RNLS: variants seen among roughly 807,000 people sequenced by gnomAD.
RNLS encodes the protein renalase, FAD dependent amine oxidase, also known as renalase.
In RNLS, 39 loss-of-function variants were observed where a neutral mutation model predicts 39.8. The ratio of observed to expected loss-of-function variants is 0.98; its 90% CI spans 0.76 to 1.28. RNLS has a LOEUF of 1.28. Among genes scored for constraint, RNLS ranks in the 50% most tolerant of loss-of-function variants. The pLI, the probability that RNLS is intolerant of heterozygous loss-of-function variation, is 0.00. For missense variants in RNLS, 410 were observed against 413.3 expected, an observed-to-expected ratio of 0.99 and a Z score of 0.07; for synonymous variants, 147 against 150.7, an observed-to-expected ratio of 0.98 and a Z score of 0.18.
At chr10:88,203,364 G>A in the RNLS span, among the ~76,000 whole-genome samples, 515 of 13,382 alleles carry the variant, frequency 0.038, 90 homozygotes, top group African/African-American at 0.11. Flanking sequence ...ATACGTATGT[G>A]TGTGTATATA....
At chr10:88,551,975 T>A (rs1848625286) in intron 4 of RNLS, among the ~76,000 whole-genome samples, 1 of 152,216 alleles carries the variant, frequency 6.6e-6, no homozygotes, top group Non-Finnish European at 1.5e-5. Flanking sequence ...CTAAAGTTTG[T>A]TTCTTAGCAA....
At chr10:88,272,483 C>G (rs554207646), downstream of RNLS, among the ~76,000 whole-genome samples, 20 of 152,220 alleles carry the variant, frequency 1.3e-4, no homozygotes, top group South Asian at 3.9e-3. Flanking sequence ...ATTCTTGGGT[C>G]CCTCTCCAGG....
the RNLS span, among the ~76,000 whole-genome samples, chr10:88,232,542 A>G: frequency 1.3e-5 from 2 of 152,132 alleles, no homozygotes; most frequent in Non-Finnish European, 2.9e-5. Flanking sequence ...TAGCCTCCCA[A>G]GTAGCTAGGA....
At chr10:88,252,159 G>C in the RNLS span, among the ~76,000 whole-genome samples, 193 of 152,206 alleles carry the variant, frequency 1.3e-3, no homozygotes, top group Non-Finnish European at 2.4e-3. Context: ...CTCCACCCCA[G>C]GACGCTTTTC....
At chr10:88,376,730 T>C (rs986732026) in intron 4 of RNLS, among the ~76,000 whole-genome samples, 1 of 152,156 alleles carries the variant, frequency 6.6e-6, no homozygotes, top group Non-Finnish European at 1.5e-5. Context: ...GTGAAATATA[T>C]GCAAATCTTC....
intron 4 of RNLS, among the ~76,000 whole-genome samples, chr10:88,365,873 T>C (rs918759476): frequency 2.0e-5 from 3 of 152,104 alleles, no homozygotes; most frequent in African/African-American, 7.2e-5. Flanking sequence ...ATTTTCTTTG[T>C]TTCCTCACAT....
intron 4 of RNLS, among the ~76,000 whole-genome samples, chr10:88,389,770 T>C (rs1196415655): frequency 6.6e-6 from 1 of 152,192 alleles, no homozygotes; most frequent in Non-Finnish European, 1.5e-5. Context: ...ACTCTTGCTA[T>C]TGGGGGACTA....
chr10:88,474,784 A>G (rs938254381), intron 4 of RNLS, among the ~76,000 whole-genome samples: 1 of 152,188 alleles, frequency 6.6e-6, no homozygotes, highest in Non-Finnish European at 1.5e-5. Context: ...TGAGGATTCA[A>G]TGAAGTAACA....
chr10:88,441,254 T>C (rs1028359184), intron 4 of RNLS, among the ~76,000 whole-genome samples: 4 of 152,202 alleles, frequency 2.6e-5, no homozygotes, highest in African/African-American at 9.6e-5. Context: ...TTCACTTGAC[T>C]GTGCCTTCCT....
At chr10:88,523,268 A>G (rs190618888) in intron 4 of RNLS, among the ~76,000 whole-genome samples, 12 of 152,224 alleles carry the variant, frequency 7.9e-5, no homozygotes, top group African/African-American at 2.9e-4. Context: ...GGTTAGCTAT[A>G]AGTCTGCTTT....
the RNLS span, among the ~76,000 whole-genome samples, chr10:88,246,862 G>T: frequency 2.0e-5 from 3 of 152,282 alleles, no homozygotes; most frequent in South Asian, 6.2e-4. Context: ...AGCCATGAAG[G>T]TTAGCATACA....
At chr10:88,232,200 G>A in the RNLS span, among the ~76,000 whole-genome samples, 1 of 152,112 alleles carries the variant, frequency 6.6e-6, no homozygotes, top group Non-Finnish European at 1.5e-5. Flanking sequence ...TCACCTCTTG[G>A]CAGGGGCAGG....
intron 4 of RNLS, among the ~76,000 whole-genome samples, chr10:88,555,628 T>C (rs952524133): frequency 2.0e-5 from 3 of 152,038 alleles, no homozygotes; most frequent in African/African-American, 7.2e-5. Flanking sequence ...TTAGCCAAAA[T>C]ATATCTCTTC....
At chr10:88,379,012 A>G (rs532866652) in intron 4 of RNLS, among the ~76,000 whole-genome samples, 2 of 152,310 alleles carry the variant, frequency 1.3e-5, no homozygotes, top group South Asian at 2.1e-4. Context: ...TATGTGCTAT[A>G]CTTTTATATG....
At chr10:88,222,314 T>C in the RNLS span, among the ~76,000 whole-genome samples, 2 of 152,166 alleles carry the variant, frequency 1.3e-5, no homozygotes, top group African/African-American at 4.8e-5. Flanking sequence ...AGCACTAGGC[T>C]GGGACATGTC....
the RNLS span, among the ~76,000 whole-genome samples, chr10:88,252,717 G>A: frequency 6.6e-6 from 1 of 152,224 alleles, no homozygotes; most frequent in African/African-American, 2.4e-5. Context: ...CTGGACTGGA[G>A]GTACCTTGAG....
chr10:88,277,051 C>A (rs141004589), intron 6 of RNLS, among the ~76,000 whole-genome samples: 1,656 of 152,208 alleles, frequency 0.011, 39 homozygotes, highest in African/African-American at 0.038. Flanking sequence ...GCACTATTCA[C>A]AATAGCAAAG....
At chr10:88,533,521 A>G (rs920607004) in intron 4 of RNLS, among the ~76,000 whole-genome samples, 2 of 152,186 alleles carry the variant, frequency 1.3e-5, no homozygotes, top group African/African-American at 4.8e-5. Context: ...ATTTTAGTCC[A>G]TAAGCACTGG....
the RNLS span, among the ~76,000 whole-genome samples, chr10:88,204,606 A>C: frequency 6.6e-6 from 1 of 152,168 alleles, no homozygotes; most frequent in Non-Finnish European, 1.5e-5. Context: ...GCCTTATGCT[A>C]AATCTTTTGC....
Sources: allele counts gnomAD v4.1 joint callset (sites outside exome capture counted in the v4.1 genomes callset), GRCh38; gene constraint gnomAD v4.1.1; transcripts MANE v1.5; gene names NCBI Gene and HGNC (gene_info 2026-07-23, HGNC 2026-07-21).